Variants in TCF7L2 observed in about 807,000 individuals in gnomAD.
TCF7L2 encodes transcription factor 7-like 2.
TCF7L2 carries 23 observed loss-of-function variants against 77.9 expected under a neutral mutation model. That is an observed-to-expected ratio of 0.30 (90% CI 0.21 to 0.42). The LOEUF (loss-of-function observed/expected upper bound fraction) is 0.42. TCF7L2 is among the 10% of genes least tolerant of loss of function. The pLI, the probability that TCF7L2 is intolerant of heterozygous loss-of-function variation, is 1.00. For synonymous variants in TCF7L2, 413 were observed against 340.2 expected (o/e 1.21, Z -2.36); for missense variants, 654 against 793.1 (o/e 0.82, Z 2.11).
chr10:113,028,316 A>C (rs2134008064), intron 4 of TCF7L2, among the ~76,000 whole-genome samples: 1 of 152,266 alleles, frequency 6.6e-6, no homozygotes, highest in East Asian at 1.9e-4. Context: ...ACTTGCATGC[A>C]GGGGGGTCGT....
At chr10:113,088,405 A>G (rs1268870377) in intron 5 of TCF7L2, among the ~76,000 whole-genome samples, 2 of 152,138 alleles carry the variant, frequency 1.3e-5, no homozygotes, top group Non-Finnish European at 2.9e-5. Flanking sequence ...TGAAATGGGC[A>G]TGATACTACC....
At position 113,144,100 on chromosome 10, in the gene TCF7L2, C is replaced by CTGTGTGTGTGTGTGTGTGTGTG. The variant is rs3830991; in HGVS notation, c.788+91_788+112dup. ...TTTATTATTTATTCTGTGTGTGTGT[C>CTGTGTGTGTGTGTGTGTGTGTG]TGTGTGTGTGTGTGTGTGTGTGTGT... On this transcript the variant is annotated intron_variant, in intron 7 of 13. Transcript: ENST00000627217. The CTGTGTGTGTGTGTGTGTGTGTG allele has an allele frequency of 7.7e-6, 5 of 653,348 alleles. No individual in the cohort carries two copies. In the African/African-American group the frequency reaches 9.9e-5, roughly 13 times the overall value. The allele number at this position is 653,348 out of a possible 1,614,324, so 40.5% of individuals were successfully genotyped here. A position where few individuals can be genotyped will look rare whatever the true frequency, so the allele number is the denominator to read the frequency against.
At chr10:113,118,904 G>T (rs2064313681) in intron 5 of TCF7L2, among the ~76,000 whole-genome samples, 1 of 151,928 alleles carries the variant, frequency 6.6e-6, no homozygotes. Flanking sequence ...CTATTTGGAG[G>T]TCTTCTTTGA....
chr10:113,047,438 C>T (rs1054021842), intron 5 of TCF7L2, among the ~76,000 whole-genome samples: 1 of 152,164 alleles, frequency 6.6e-6, no homozygotes, highest in Admixed American at 6.5e-5. Context: ...GTCAGCCTCC[C>T]CAGGTCCTCC....
At chr10:112,975,668 G>C (rs1387251409) in intron 4 of TCF7L2, among the ~76,000 whole-genome samples, 1 of 152,102 alleles carries the variant, frequency 6.6e-6, no homozygotes, top group East Asian at 1.9e-4. Flanking sequence ...TTTCAGTAGA[G>C]ATGAGGTTTC....
chr10:113,039,316 G>A (rs1163800652), intron 4 of TCF7L2, among the ~76,000 whole-genome samples: 3 of 152,176 alleles, frequency 2.0e-5, no homozygotes, highest in Admixed American at 6.5e-5. Context: ...GGAGGAAGGT[G>A]GGGACAGACA....
intron 3 of TCF7L2, 130 bp downstream of exon 3, chr10:112,951,737 C>T (rs1269041421): frequency 2.3e-5 from 8 of 352,692 alleles, no homozygotes; most frequent in African/African-American, 1.1e-4. Context: ...CCTCCCTCCC[C>T]TCCCCCGCTC....
chr10:113,123,667 T>A (rs943985468), intron 5 of TCF7L2, among the ~76,000 whole-genome samples: 1 of 152,224 alleles, frequency 6.6e-6, no homozygotes, highest in Admixed American at 6.5e-5. Flanking sequence ...GCATTGGGAA[T>A]ATATCCTTAA....
At chr10:113,069,233 C>CT (rs542054630) in intron 5 of TCF7L2, among the ~76,000 whole-genome samples, 6,010 of 139,380 alleles carry the variant, frequency 0.043, 393 homozygotes, top group African/African-American at 0.14. Flanking sequence ...AACTCATATT[C>CT]TTTTTTTTTT....
intron 4 of TCF7L2, among the ~76,000 whole-genome samples, chr10:113,039,710 A>G (rs1485597751): frequency 6.7e-6 from 1 of 148,530 alleles, no homozygotes; most frequent in African/African-American, 2.5e-5. Context: ...CACCTCTCCC[A>G]CTCCCCTCCA....
At chr10:113,145,223 G>A (rs1393754702) in intron 7 of TCF7L2, among the ~76,000 whole-genome samples, 4 of 151,850 alleles carry the variant, frequency 2.6e-5, no homozygotes, top group Non-Finnish European at 4.4e-5. Flanking sequence ...TTATTGGGAC[G>A]GTAGACATGA....
intron 8 of TCF7L2, 84 bp downstream of exon 8, chr10:113,146,181 G>T: frequency 8.2e-7 from 1 of 1,218,524 alleles, no homozygotes; most frequent in Non-Finnish European, 1.2e-6. Context: ...AGCCACCCAG[G>T]GACCACAGCT....
At chr10:113,043,248 C>T (rs2052771925) in intron 5 of TCF7L2, among the ~76,000 whole-genome samples, 2 of 152,310 alleles carry the variant, frequency 1.3e-5, no homozygotes, top group South Asian at 4.1e-4. Context: ...AGAATCTTCA[C>T]GTGGGAATTC....
intron 5 of TCF7L2, among the ~76,000 whole-genome samples, chr10:113,121,906 A>G (rs1260007352): frequency 6.6e-6 from 1 of 152,242 alleles, no homozygotes. Flanking sequence ...ACACGTTGCC[A>G]TATTGATTGA....
At chr10:112,966,046 G>A (rs1043963896) in intron 4 of TCF7L2, among the ~76,000 whole-genome samples, 6 of 151,176 alleles carry the variant, frequency 4.0e-5, no homozygotes, top group African/African-American at 9.8e-5. Flanking sequence ...GTGGTGGTGG[G>A]TGCCTGTAAT....
At chr10:113,066,117 C>A (rs1442346785) in intron 5 of TCF7L2, among the ~76,000 whole-genome samples, 11 of 152,194 alleles carry the variant, frequency 7.2e-5, no homozygotes, top group Non-Finnish European at 1.5e-5. Flanking sequence ...AATCCCAGCA[C>A]TTTGGGAGGC....
intron 4 of TCF7L2, among the ~76,000 whole-genome samples, chr10:112,972,912 C>G (rs950696607): frequency 2.6e-5 from 4 of 152,208 alleles, no homozygotes; most frequent in African/African-American, 9.6e-5. Context: ...AATTAGGATT[C>G]AAACCCAGAC....
chr10:113,111,595 C>G (rs968470593), intron 5 of TCF7L2, among the ~76,000 whole-genome samples: 1 of 152,104 alleles, frequency 6.6e-6, no homozygotes, highest in South Asian at 2.1e-4. Flanking sequence ...AGTTTGAGAC[C>G]AGCCTGGGCA....
At chr10:113,015,852 C>T (rs1306410720) in intron 4 of TCF7L2, among the ~76,000 whole-genome samples, 2 of 152,126 alleles carry the variant, frequency 1.3e-5, no homozygotes, top group Non-Finnish European at 2.9e-5. Context: ...AGTAACGTAA[C>T]GTGTGCTTCA....
Sources: gnomAD v4.1 joint callset for allele counts (sites outside exome capture counted in the v4.1 genomes callset) on GRCh38, gnomAD v4.1.1 for gene constraint, MANE v1.5 for transcripts, NCBI Gene and HGNC (gene_info 2026-07-23, HGNC 2026-07-21) for gene names.